The following VCF1 variants were observed in gnomAD, a reference collection of about 807,000 sequenced individuals.
VCF1 encodes the protein protein VCF1.
the VCF1 span, chr17:73,207,607 T>C: frequency 1.0e-6 from 1 of 979,472 alleles, no homozygotes; most frequent in African/African-American, 1.7e-5. Flanking sequence ...CTGGTGATGA[T>C]GGTTTTATCT....
chr17:73,207,740 G>A, the VCF1 span: 1 of 1,291,688 alleles, frequency 7.7e-7, no homozygotes, highest in Non-Finnish European at 1.0e-6. Flanking sequence ...ATCCTCCTGG[G>A]TATTTCTGAA....
At chr17:73,229,206 T>C in the VCF1 span, 181 of 985,496 alleles carry the variant, frequency 1.8e-4, no homozygotes, top group Middle Eastern at 2.1e-3. Context: ...CCTTCTCCTC[T>C]GGATGGTACC....
chr17:73,207,425 G>A, the VCF1 span: 8 of 752,300 alleles, frequency 1.1e-5, no homozygotes, highest in African/African-American at 1.2e-4. Flanking sequence ...ACTAGCTTGA[G>A]CTACTAGAAG....
the VCF1 span, among the ~76,000 whole-genome samples, chr17:73,220,875 T>C: frequency 6.7e-6 from 1 of 149,980 alleles, no homozygotes; most frequent in Admixed American, 6.7e-5. Context: ...TAAAAGGTAT[T>C]GCTTTTTTTT....
chr17:73,212,737 C>G, the VCF1 span: 2 of 1,585,218 alleles, frequency 1.3e-6, no homozygotes, highest in Non-Finnish European at 1.7e-6. Context: ...ATTACAGGTA[C>G]TGTCTGAAAA....
At chr17:73,228,921 C>G in the VCF1 span, among the ~76,000 whole-genome samples, 2 of 152,204 alleles carry the variant, frequency 1.3e-5, no homozygotes, top group African/African-American at 4.8e-5. Flanking sequence ...GTGCCAACAG[C>G]TGACTGGGCT....
the VCF1 span, chr17:73,227,151 AC>A: frequency 6.5e-7 from 1 of 1,544,990 alleles, no homozygotes. Context: ...AGACTATGTG[AC>A]CACACTTCCT....
At chr17:73,208,318 T>C in the VCF1 span, 1 of 1,613,424 alleles carries the variant, frequency 6.2e-7, no homozygotes, top group African/African-American at 1.3e-5. Flanking sequence ...TGGCAGGTTG[T>C]CCCCCCGGCA....
chr17:73,207,828 G>T, the VCF1 span: 1 of 1,279,224 alleles, frequency 7.8e-7, no homozygotes, highest in Admixed American at 2.4e-5. Context: ...TTTATTGTTA[G>T]ACACAATATT....
At chr17:73,207,979 TG>T in the VCF1 span, 10 of 1,258,114 alleles carry the variant, frequency 7.9e-6, no homozygotes, top group Non-Finnish European at 1.0e-5. Context: ...TCCCTAAGCA[TG>T]GGCTATGTTG....
the VCF1 span, among the ~76,000 whole-genome samples, chr17:73,225,905 T>TACA: frequency 8.8e-6 from 1 of 113,212 alleles, no homozygotes; most frequent in East Asian, 2.5e-4. Context: ...ATATATTTTT[T>TACA]TTTTTTTTTT....
chr17:73,224,263 C>A, the VCF1 span, among the ~76,000 whole-genome samples: 61,646 of 103,966 alleles, frequency 0.59, 19,519 homozygotes, highest in Middle Eastern at 0.71. Context: ...GTCGTCTCTC[C>A]AAAAAAAAAA....
At chr17:73,208,188 G>C in the VCF1 span, 1 of 1,568,676 alleles carries the variant, frequency 6.4e-7, no homozygotes, top group Non-Finnish European at 8.6e-7. Flanking sequence ...CCTCTGACTA[G>C]AGCCATCGTG....
chr17:73,225,882 AATAT>A, the VCF1 span, among the ~76,000 whole-genome samples: 1 of 74,700 alleles, frequency 1.3e-5, no homozygotes, highest in African/African-American at 5.5e-5. Context: ...ATATATATAT[AATAT>A]ATATATATAT....
chr17:73,207,879 T>G, the VCF1 span: 6 of 1,193,662 alleles, frequency 5.0e-6, no homozygotes, highest in Admixed American at 1.5e-4. Flanking sequence ...TCGAACCCAT[T>G]AAGATCTAAA....
chr17:73,209,889 CAT>C, the VCF1 span: 2 of 1,424,464 alleles, frequency 1.4e-6, no homozygotes, highest in Non-Finnish European at 1.9e-6. Context: ...AGGATGAAGA[CAT>C]ATACTGGGCT....
At chr17:73,207,707 T>C in the VCF1 span, 5 of 1,292,214 alleles carry the variant, frequency 3.9e-6, no homozygotes, top group Non-Finnish European at 5.0e-6. Context: ...TTCAGTACGA[T>C]GCCAACTGTT....
chr17:73,217,441 A>G, the VCF1 span, among the ~76,000 whole-genome samples: 1 of 151,316 alleles, frequency 6.6e-6, no homozygotes, highest in Non-Finnish European at 1.5e-5. Flanking sequence ...CACGAGGTCA[A>G]GAGATCGAGA....
At chr17:73,227,301 CA>C in the VCF1 span, 1 of 1,480,690 alleles carries the variant, frequency 6.8e-7, no homozygotes, top group African/African-American at 1.4e-5. Context: ...AAAAAAAACC[CA>C]AACAACCGAT....
Sources: allele counts gnomAD v4.1 joint callset (sites outside exome capture counted in the v4.1 genomes callset), GRCh38; gene constraint gnomAD v4.1.1; transcripts MANE v1.5; gene names NCBI Gene and HGNC (gene_info 2026-07-23, HGNC 2026-07-21).